Variants in OSMR observed in about 807,000 individuals in gnomAD.
OSMR encodes the protein oncostatin-M-specific receptor subunit beta.
A neutral mutation model predicts 99.9 loss-of-function variants in OSMR; 81 were observed. The ratio of observed to expected loss-of-function variants is 0.81; its 90% CI spans 0.68 to 0.97. OSMR has a LOEUF of 0.97. Among genes scored for constraint, OSMR ranks in the 50% least tolerant of loss-of-function variants. The probability of loss-of-function intolerance (pLI) is 0.00; values close to 1 mark genes in which losing one functional copy is unlikely to be tolerated. For synonymous variants in OSMR, 406 were observed against 410.4 expected (o/e 0.99, Z 0.13); for missense variants, 1,099 against 1,153.4 (o/e 0.95, Z 0.68).
chr5:38,850,242 A>T (rs1740245220), intron 1 of OSMR, among the ~76,000 whole-genome samples: 1 of 152,190 alleles, frequency 6.6e-6, no homozygotes, highest in South Asian at 2.1e-4. Context: ...CTTTGTCCAC[A>T]TTTGGGTGTA....
chr5:38,855,960 G>T (rs538666392), intron 1 of OSMR, among the ~76,000 whole-genome samples: 32 of 152,222 alleles, frequency 2.1e-4, no homozygotes, highest in African/African-American at 7.2e-4. Flanking sequence ...CAGCTTGCTT[G>T]TTCACTCCTC....
intron 7 of OSMR, among the ~76,000 whole-genome samples, chr5:38,887,632 C>A (rs1743874631): frequency 6.6e-6 from 1 of 152,088 alleles, no homozygotes; most frequent in African/African-American, 2.4e-5. Flanking sequence ...AAGTCTCTCA[C>A]CCTATTCTTT....
At chr5:38,866,222 G>A (rs146100839) in intron 1 of OSMR, among the ~76,000 whole-genome samples, 47 of 152,248 alleles carry the variant, frequency 3.1e-4, no homozygotes, top group South Asian at 6.2e-4. Context: ...CAGGCCTCCC[G>A]ATGTTGTGCA....
At chr5:38,875,658 A>G (rs928299511) in intron 2 of OSMR, among the ~76,000 whole-genome samples, 2 of 152,142 alleles carry the variant, frequency 1.3e-5, no homozygotes, top group African/African-American at 4.8e-5. Context: ...ATTTTATTTC[A>G]CATCAAATAC....
rs1434651088 is a variant in OSMR, at chr5:38,924,802, A to G, written c.2044+207A>G. ...CATTTTAACTTACTTAAAAAACAAT[A>G]TGACTTGGTATTTTTAGAAGCATCT... On this transcript the variant is annotated intron_variant, in intron 14 of 17. Transcript: ENST00000274276. 6.6e-6 allele frequency among the ~76,000 whole-genome samples: 1 copy of G among 152,122 alleles called. No individual in the cohort carries two copies. The highest frequency in any genetic ancestry group is 1.5e-5 in the Non-Finnish European group (1 of 68,018).
chr5:38,880,659 CA>C (rs906699988), intron 3 of OSMR, among the ~76,000 whole-genome samples: 2 of 152,166 alleles, frequency 1.3e-5, no homozygotes, highest in Non-Finnish European at 2.9e-5. Flanking sequence ...GACACCAAAC[CA>C]AAGACATTGC....
At chr5:38,868,853 A>C (rs1742151294) in intron 1 of OSMR, 179 bp from the exon 2 acceptor site, 1 of 240,128 alleles carries the variant, frequency 4.2e-6, no homozygotes, top group Non-Finnish European at 6.7e-6. Flanking sequence ...CCCATGGGGC[A>C]GGGAAATATA....
At chr5:38,910,190 T>C (rs968645861) in intron 9 of OSMR, among the ~76,000 whole-genome samples, 2 of 152,210 alleles carry the variant, frequency 1.3e-5, no homozygotes, top group African/African-American at 2.4e-5. Context: ...CCTAAATATA[T>C]ATGCACCTAA....
At position 38,881,675 on chromosome 5, in the gene OSMR, A is replaced by G; in HGVS notation, c.329A>G (p.His110Arg). 1 of 1,614,224 alleles carries G rather than the reference A, an allele frequency of 6.2e-7. No individual in the cohort carries two copies. The highest frequency in any genetic ancestry group is 8.5e-7 in the Non-Finnish European group (1 of 1,180,042). ...ESELPLECAT[H>R]FVRIKSLVDD... ...GAGCTCCCTTTGGAATGTGCCACAC[A>G]CTTTGTAAGAATAAAGAGTTTGGTG... is the stretch of plus-strand genomic sequence containing the variant. Residue 110 changes from histidine (H) to arginine (R), a missense_variant, in exon 4 of 18, where the codon CAC (histidine) becomes CGC (arginine). By Grantham distance (29) the His-to-Arg change is conservative. Coordinates refer to ENST00000274276, the MANE Select transcript of OSMR (RefSeq NM_003999.3).
At chr5:38,871,664 G>A (rs1314237189) in intron 2 of OSMR, among the ~76,000 whole-genome samples, 2 of 152,262 alleles carry the variant, frequency 1.3e-5, no homozygotes, top group East Asian at 3.9e-4. Flanking sequence ...ATTTTCCTCT[G>A]TCTGTTGTGT....
At chr5:38,875,470 G>A (rs1742743407) in intron 2 of OSMR, among the ~76,000 whole-genome samples, 1 of 152,186 alleles carries the variant, frequency 6.6e-6, no homozygotes, top group African/African-American at 2.4e-5. Flanking sequence ...GAGATAGGCT[G>A]CTGCTTCCCA....
intron 1 of OSMR, among the ~76,000 whole-genome samples, chr5:38,868,505 A>T (rs1742118072): frequency 6.6e-6 from 1 of 152,138 alleles, no homozygotes; most frequent in African/African-American, 2.4e-5. Flanking sequence ...CGTGATAGTT[A>T]ATAAGTCTCA....
At chr5:38,848,396 A>G (rs569738981) in intron 1 of OSMR, among the ~76,000 whole-genome samples, 1 of 152,336 alleles carries the variant, frequency 6.6e-6, no homozygotes, top group Admixed American at 6.5e-5. Flanking sequence ...TGGTGGCTTC[A>G]TAGCCTTCCT....
At position 38,934,402 on chromosome 5, in the gene OSMR, T is replaced by C. The variant is rs1746921533; in HGVS notation, c.*958T>C. On this transcript the variant is annotated 3_prime_UTR_variant, in exon 18 of 18. Coordinates refer to ENST00000274276, the MANE Select transcript of OSMR (RefSeq NM_003999.3). ...AAAATAGTAAAATGAAACCTCATTG[T>C]TGGACATAATTTAGATATAACTAAA... is the stretch of plus-strand genomic sequence containing the variant. 1 of 152,252 alleles carries C rather than the reference T, an allele frequency of 6.6e-6. No homozygotes were observed. The allele number at this position is 152,252 out of a possible 1,614,324, so 9.4% of individuals were successfully genotyped here.
chr5:38,918,786 C>T, intron 10 of OSMR, 54 bp from the exon 11 acceptor site: 1 of 1,600,910 alleles, frequency 6.2e-7, no homozygotes, highest in South Asian at 1.1e-5. Context: ...AGGAGTTGTA[C>T]AAATTCCTTT....
Position 38,884,050 on chromosome 5 carries a change from T to C in OSMR, c.642T>C (p.Tyr214=), listed in dbSNP as rs140702634. ...PFIRNKGTNI[Y]CEASQGNVSE... ...TTAGGAATAAAGGGACAAATATCTA[T>C]TGTGAGGCAAGTCAAGGAAATGTCA... Residue 214 remains tyrosine (Y), a synonymous_variant, in exon 5 of 18, where the codon TAT becomes TAC. Transcript: ENST00000274276. The C allele has an allele frequency of 5.0e-6, 8 of 1,613,948 alleles. No individual in the cohort carries two copies. The highest frequency in any genetic ancestry group is 1.3e-5 in the African/African-American group (1 of 74,936).
At chr5:38,853,679 A>T (rs976028226) in intron 1 of OSMR, among the ~76,000 whole-genome samples, 1 of 152,138 alleles carries the variant, frequency 6.6e-6, no homozygotes, top group Non-Finnish European at 1.5e-5. Flanking sequence ...ATTTGGCTTC[A>T]TTTACCTTTT....
intron 9 of OSMR, among the ~76,000 whole-genome samples, chr5:38,911,932 T>C (rs989263759): frequency 1.3e-5 from 2 of 152,182 alleles, no homozygotes; most frequent in Non-Finnish European, 2.9e-5. Context: ...AGCCTAGATC[T>C]ATGACAAATC....
chr5:38,907,408 G>T (rs960918152), intron 9 of OSMR, among the ~76,000 whole-genome samples: 2 of 152,230 alleles, frequency 1.3e-5, no homozygotes, highest in African/African-American at 4.8e-5. Flanking sequence ...GGGCCCAGAG[G>T]GTTTGGTGCA....
Sources: allele counts gnomAD v4.1 joint callset (sites outside exome capture counted in the v4.1 genomes callset), GRCh38; gene constraint gnomAD v4.1.1; transcripts MANE v1.5; gene names NCBI Gene and HGNC (gene_info 2026-07-23, HGNC 2026-07-21).